Variants in PROS1 observed in about 807,000 individuals in gnomAD.
The protein encoded by PROS1 is vitamin K-dependent protein S.
PROS1 carries 29 observed loss-of-function variants against 75.9 expected under a neutral mutation model. That is an observed-to-expected ratio of 0.38 (90% CI 0.28 to 0.52). The LOEUF (loss-of-function observed/expected upper bound fraction) is 0.52. PROS1 is among the 20% of genes least tolerant of loss of function. The pLI, the probability that PROS1 is intolerant of heterozygous loss-of-function variation, is 0.83. For missense variants in PROS1, 680 were observed against 810.3 expected, an observed-to-expected ratio of 0.84 and a Z score of 1.95; for synonymous variants, 245 against 280.6, an observed-to-expected ratio of 0.87 and a Z score of 1.27.
chr3:93,907,716 C>G (rs1204761549), intron 4 of PROS1, among the ~76,000 whole-genome samples: 1 of 152,182 alleles, frequency 6.6e-6, no homozygotes, highest in East Asian at 1.9e-4. Context: ...GCCAGAAAAG[C>G]AACACCCCAA....
intron 6 of PROS1, among the ~76,000 whole-genome samples, chr3:93,902,291 C>T (rs2107164696): frequency 6.6e-6 from 1 of 152,150 alleles, no homozygotes; most frequent in South Asian, 2.1e-4. Flanking sequence ...GAGGGAGACC[C>T]TGTCACTAAA....
At chr3:93,971,810 A>T (rs2107276116) in intron 1 of PROS1, among the ~76,000 whole-genome samples, 1 of 152,254 alleles carries the variant, frequency 6.6e-6, no homozygotes, top group African/African-American at 2.4e-5. Context: ...TCAAAAAAGT[A>T]AATAAATAAA....
At chr3:93,912,204 G>A (rs1708768108) in intron 3 of PROS1, among the ~76,000 whole-genome samples, 1 of 151,998 alleles carries the variant, frequency 6.6e-6, no homozygotes, top group African/African-American at 2.4e-5. Context: ...TGCATTCCTG[G>A]GCTCATGGCC....
At chr3:93,881,357 C>T (rs1227918551) in intron 12 of PROS1, among the ~76,000 whole-genome samples, 6 of 151,566 alleles carry the variant, frequency 4.0e-5, no homozygotes, top group East Asian at 1.9e-4. Context: ...ATATAGACTA[C>T]GAAAGATGGG....
chr3:93,955,590 G>T (rs1435463208), intron 1 of PROS1, among the ~76,000 whole-genome samples: 1 of 151,954 alleles, frequency 6.6e-6, no homozygotes, highest in Non-Finnish European at 1.5e-5. Context: ...ATGGGGGGAG[G>T]GGGGATGGAT....
rs770139931 is a variant in PROS1 at position 93,886,547 on chromosome 3, C to A, written c.1156-44G>T. 6 of 1,440,514 alleles carry A rather than the reference C, an allele frequency of 4.2e-6. No homozygotes were observed. In the South Asian group the frequency reaches 6.9e-5, roughly 17 times the overall value. The allele number at this position is 1,440,514 out of a possible 1,614,324, so 89.2% of individuals were successfully genotyped here. A position where few individuals can be genotyped will look rare whatever the true frequency, so the allele number is the denominator to read the frequency against. On this transcript the variant is annotated intron_variant, in intron 10 of 14. Transcript: ENST00000394236. ...ATTACCAAATAACCAAGTATTACTA[C>A]ATGTCATTTGAAATACTGGGATCTA... is the stretch of plus-strand genomic sequence containing the variant.
At chr3:93,931,848 C>T (rs1709111298) in intron 1 of PROS1, among the ~76,000 whole-genome samples, 1 of 152,220 alleles carries the variant, frequency 6.6e-6, no homozygotes. Context: ...TCTGCTCTTG[C>T]ACAACTGCCA....
rs576995884 is a variant in PROS1, at chr3:93,945,790, T to G, written c.77-18383A>C. On this transcript the variant is annotated intron_variant, in intron 1 of 14. Transcript: ENST00000394236. The stretch of plus-strand genomic sequence containing the variant: ...CTCTCACCACTCCTATTCAAAATAG[T>G]GTTGGAAGTTCTGGCCTGGGCAATT... Among the ~76,000 whole-genome samples the G allele has an allele frequency of 8.5e-5, 13 of 152,272 alleles. No individual in the cohort carries two copies. The South Asian group carries it at 1.2e-3, about 15-fold the overall frequency.
At chr3:93,908,248 A>C (rs1426530628) in intron 4 of PROS1, among the ~76,000 whole-genome samples, 4 of 152,228 alleles carry the variant, frequency 2.6e-5, no homozygotes, top group African/African-American at 9.6e-5. Context: ...ATGTAAAATA[A>C]TGGTTTTTCA....
intron 1 of PROS1, among the ~76,000 whole-genome samples, chr3:93,951,786 C>A (rs1351703468): frequency 3.3e-5 from 5 of 152,074 alleles, no homozygotes; most frequent in African/African-American, 9.7e-5. Flanking sequence ...CATAGACTGG[C>A]AAATTGGATA....
chr3:93,936,893 G>C (rs1227437846), intron 1 of PROS1, among the ~76,000 whole-genome samples: 3 of 152,144 alleles, frequency 2.0e-5, no homozygotes, highest in Admixed American at 1.3e-4. Context: ...TAAGGAGTAA[G>C]AGAATTTTTA....
intron 1 of PROS1, among the ~76,000 whole-genome samples, chr3:93,964,076 T>C (rs563974915): frequency 7.3e-4 from 111 of 152,360 alleles, no homozygotes; most frequent in African/African-American, 2.6e-3. Context: ...AATCCTGTTA[T>C]CTTCCTAAGC....
chr3:93,922,873 G>A (rs1708962341), intron 3 of PROS1, among the ~76,000 whole-genome samples: 1 of 151,996 alleles, frequency 6.6e-6, no homozygotes. Context: ...ATAATAAAAA[G>A]TATATTTTTG....
chr3:93,921,859 C>G (rs1171464203), intron 3 of PROS1, among the ~76,000 whole-genome samples: 1 of 152,108 alleles, frequency 6.6e-6, no homozygotes, highest in African/African-American at 2.4e-5. Flanking sequence ...TTTGTTAATG[C>G]TCACTTTTGT....
chr3:93,934,273 A>C (rs1709150253), intron 1 of PROS1, among the ~76,000 whole-genome samples: 1 of 152,160 alleles, frequency 6.6e-6, no homozygotes, highest in African/African-American at 2.4e-5. Flanking sequence ...TAAAATAATT[A>C]CATTAACTAT....
chr3:93,936,111 C>G lies in PROS1; in HGVS notation c.77-8704G>C, dbSNP rs142583290. On this transcript the variant is annotated intron_variant, in intron 1 of 14. Transcript: ENST00000394236. ...CTCCCCCCCACACCCCTTCCCCGCT[C>G]CAAATTCATATGTTGAAGCCCTAAC... Among the ~76,000 whole-genome samples, 118 of 151,334 alleles carry G rather than the reference C, an allele frequency of 7.8e-4. No individual in the cohort carries two copies. The South Asian group carries it at 8.2e-3, about 11-fold the overall frequency.
At chr3:93,966,716 A>C (rs1709795796) in intron 1 of PROS1, among the ~76,000 whole-genome samples, 1 of 152,002 alleles carries the variant, frequency 6.6e-6, no homozygotes, top group Non-Finnish European at 1.5e-5. Context: ...ATCTCTACTA[A>C]AAATACAAAA....
At chr3:93,954,274 C>A (rs1411688057) in intron 1 of PROS1, among the ~76,000 whole-genome samples, 1 of 152,136 alleles carries the variant, frequency 6.6e-6, no homozygotes, top group East Asian at 1.9e-4. Flanking sequence ...CCAAGACAAT[C>A]CTAAGACAAA....
rs557573660 is a variant in PROS1, at chr3:93,876,804, A to C, written c.1870+162T>G. Among the ~76,000 whole-genome samples the C allele has an allele frequency of 2.0e-5, 3 of 152,236 alleles. No individual in the cohort carries two copies. In the South Asian group the frequency reaches 6.2e-4, roughly 32 times the overall value. On this transcript the variant is annotated intron_variant, in intron 14 of 14. Transcript: ENST00000394236. ...TTTTAAACTAAACAAAACAAAACAAAAATATGCCAATAAAATGTCGGTACT... is the reference window on the plus strand; with the variant it reads ...TTTTAAACTAAACAAAACAAAACAACAATATGCCAATAAAATGTCGGTACT...
Sources: gnomAD v4.1 joint callset for allele counts (sites outside exome capture counted in the v4.1 genomes callset) on GRCh38, gnomAD v4.1.1 for gene constraint, MANE v1.5 for transcripts, NCBI Gene and HGNC (gene_info 2026-07-23, HGNC 2026-07-21) for gene names.